MPHOSPH9: variants seen among roughly 807,000 people sequenced by gnomAD.
MPHOSPH9 encodes the protein M-phase phosphoprotein 9.
In MPHOSPH9, 88 loss-of-function variants were observed where a neutral mutation model predicts 145.5. The observed-to-expected ratio is 0.60, with a 90% CI of 0.51 to 0.72. MPHOSPH9 has a LOEUF of 0.72. MPHOSPH9 is among the 30% of genes least tolerant of loss of function. The probability of loss-of-function intolerance (pLI) is 0.00; values close to 1 mark genes in which losing one functional copy is unlikely to be tolerated. For synonymous variants in MPHOSPH9, 435 were observed against 486.2 expected, an observed-to-expected ratio of 0.89 and a Z score of 1.39; for missense variants, 1,238 against 1,386.6, an observed-to-expected ratio of 0.89 and a Z score of 1.70.
chr12:123,201,818 T>C (rs1005565147), intron 11 of MPHOSPH9, among the ~76,000 whole-genome samples: 5 of 152,178 alleles, frequency 3.3e-5, no homozygotes, highest in Admixed American at 1.3e-4. Flanking sequence ...CATATCTTTG[T>C]GGGTTTTTTT....
intron 2 of MPHOSPH9, 150 bp downstream of exon 2, chr12:123,230,111 C>T (rs572077493): frequency 1.6e-4 from 83 of 524,696 alleles, no homozygotes; most frequent in Non-Finnish European, 2.3e-4. Context: ...CATGAGCCAC[C>T]GCGCCCAGCC....
rs868752257 is a variant in MPHOSPH9, at chr12:123,190,297, C to T, written c.2241+4089G>A. Among the ~76,000 whole-genome samples the T allele has an allele frequency of 2.6e-4, 40 of 151,980 alleles. 1 individual carries two copies. Among genetic ancestry groups the T allele is most frequent in the Non-Finnish European group, 1.3e-4 (9 of 67,982 alleles). ...CCTCCCGAGTAGCTGGGACTACAGGCGCCCACCACCACGCCCAACTAATTT... is the reference window on the plus strand; with the variant it reads ...CCTCCCGAGTAGCTGGGACTACAGGTGCCCACCACCACGCCCAACTAATTT... On this transcript the variant is annotated intron_variant, in intron 13 of 23. Coordinates refer to ENST00000606320, the MANE Select transcript of MPHOSPH9 (RefSeq NM_022782.4).
chr12:123,239,708 C>T (rs971010187), intron 1 of MPHOSPH9, among the ~76,000 whole-genome samples: 12 of 152,088 alleles, frequency 7.9e-5, no homozygotes, highest in African/African-American at 2.9e-4. Flanking sequence ...AGCCCAGTAG[C>T]GTTAGTTTCT....
chr12:123,187,695 C>G (rs373399593), intron 13 of MPHOSPH9, among the ~76,000 whole-genome samples: 1 of 152,096 alleles, frequency 6.6e-6, no homozygotes, highest in Non-Finnish European at 1.5e-5. Context: ...GAGATTTACA[C>G]GAGAAGGAAA....
At chr12:123,174,012 T>C (rs776632761) in intron 16 of MPHOSPH9, among the ~76,000 whole-genome samples, 1 of 152,182 alleles carries the variant, frequency 6.6e-6, no homozygotes, top group Non-Finnish European at 1.5e-5. Flanking sequence ...GATCTGACCC[T>C]ATCTCTGGGT....
chr12:123,184,444 T>C (rs1446415391), intron 13 of MPHOSPH9, among the ~76,000 whole-genome samples: 1 of 151,960 alleles, frequency 6.6e-6, no homozygotes, highest in African/African-American at 2.4e-5. Flanking sequence ...CTAAGTCCCA[T>C]CCATACACTT....
At chr12:123,216,619 G>A (rs1286068164) in intron 6 of MPHOSPH9, among the ~76,000 whole-genome samples, 2 of 152,152 alleles carry the variant, frequency 1.3e-5, no homozygotes, top group Admixed American at 6.6e-5. Context: ...GGGAGGCCAA[G>A]GCAAGAGGAT....
downstream of MPHOSPH9, chr12:123,152,565 A>G (rs987624082): frequency 2.2e-6 from 1 of 456,560 alleles, no homozygotes; most frequent in African/African-American, 2.0e-5. Context: ...TAGAGATGAC[A>G]TGGTACATAA....
chr12:123,240,082 C>T (rs555007257), intron 1 of MPHOSPH9, among the ~76,000 whole-genome samples: 3 of 151,834 alleles, frequency 2.0e-5, no homozygotes, highest in Non-Finnish European at 2.9e-5. Flanking sequence ...TGCAGAGCCT[C>T]GCCGGGCAAG....
chr12:123,160,631 T>A, intron 23 of MPHOSPH9, 150 bp downstream of exon 23: 1 of 628,982 alleles, frequency 1.6e-6, no homozygotes, highest in Non-Finnish European at 2.7e-6. Context: ...ATTGCTATAA[T>A]CAAACACTTC....
intron 2 of MPHOSPH9, 41 bp from the exon 3 acceptor site, chr12:123,227,657 A>G: frequency 2.1e-6 from 3 of 1,451,852 alleles, no homozygotes; most frequent in Non-Finnish European, 2.7e-6. Flanking sequence ...TCTTCATTCT[A>G]TCAAAGTGTT....
chr12:123,202,241 A>C lies in MPHOSPH9; in HGVS notation c.1860T>G (p.Ser620Arg). 1 of 1,613,396 alleles carries C rather than the reference A, an allele frequency of 6.2e-7. No individual in the cohort carries two copies. The change falls in exon 11 of 24, where the codon AGT becomes AGG. Residue 620 changes from serine (S) to arginine (R), a missense_variant. This residue lies in a region of MPHOSPH9 where 837 missense variants were observed against 897.5 expected (regional missense o/e 0.93). Coordinates refer to ENST00000606320, the MANE Select transcript of MPHOSPH9 (RefSeq NM_022782.4). ...CTTTTGCCTCCAGCTTCTGTTTCAA[A>C]CTATTTATTTCTGATTCATAATAAG... Reference protein sequence around the residue: ...LRAYYESEINSLKQKLEAKEI... With the variant: ...LRAYYESEINRLKQKLEAKEI...
At chr12:123,186,751 A>G (rs1396887573) in intron 13 of MPHOSPH9, among the ~76,000 whole-genome samples, 2 of 152,214 alleles carry the variant, frequency 1.3e-5, no homozygotes, top group Non-Finnish European at 2.9e-5. Flanking sequence ...ACTTGAGGTC[A>G]GGATTTCGAG....
At chr12:123,169,900 A>C (rs2044499449) in intron 16 of MPHOSPH9, among the ~76,000 whole-genome samples, 1 of 151,856 alleles carries the variant, frequency 6.6e-6, no homozygotes. Context: ...GATCTTGCAA[A>C]ATTTGTTTTT....
At chr12:123,182,938 G>T (rs2045255081) in intron 13 of MPHOSPH9, among the ~76,000 whole-genome samples, 1 of 151,424 alleles carries the variant, frequency 6.6e-6, no homozygotes, top group Non-Finnish European at 1.5e-5. Context: ...AAGAGGCCGG[G>T]CGTGGTAGCT....
Position 123,158,634 on chromosome 12 carries a change from CA to C in MPHOSPH9, c.3451-1727del, listed in dbSNP as rs1363660059. On this transcript the variant is annotated intron_variant, in intron 23 of 23. Transcript: ENST00000606320. ...CTAAGAAGAGAATCAAACTCTATCT[CA>C]ATTTTTTTTTTTTTGAGACACAGTC... Among the ~76,000 whole-genome samples, 14 of 151,734 alleles carry C rather than the reference CA, an allele frequency of 9.2e-5. No homozygotes were observed. The South Asian group carries it at 2.9e-3, about 32-fold the overall frequency.
At position 123,156,680 on chromosome 12, in the gene MPHOSPH9, A is replaced by G. The variant is rs2043877254; in HGVS notation, c.*127T>C. ...TTTGAAGTATAAAATAGCAAGTGTA[A>G]GAATAGCATGATTGTAAAACTACTG... On this transcript the variant is annotated 3_prime_UTR_variant, in exon 24 of 24. Coordinates refer to ENST00000606320, the MANE Select transcript of MPHOSPH9 (RefSeq NM_022782.4). The G allele has an allele frequency of 1.8e-6, 1 of 556,094 alleles. No homozygotes were observed. The highest frequency in any genetic ancestry group is 1.9e-5 in the African/African-American group (1 of 53,466). The allele number at this position is 556,094 out of a possible 1,614,324, so 34.4% of individuals were successfully genotyped here. A position where few individuals can be genotyped will look rare whatever the true frequency, so the allele number is the denominator to read the frequency against.
intron 6 of MPHOSPH9, among the ~76,000 whole-genome samples, chr12:123,216,036 G>A (rs2046942645): frequency 6.6e-6 from 1 of 152,108 alleles, no homozygotes; most frequent in Non-Finnish European, 1.5e-5. Context: ...AGGAGATTGG[G>A]ATTATCCTGG....
chr12:123,230,240 T>G lies in MPHOSPH9; in HGVS notation c.104+21A>C, dbSNP rs1032436354. 6 of 1,306,748 alleles carry G rather than the reference T, an allele frequency of 4.6e-6. No individual in the cohort carries two copies. The African/African-American group carries it at 8.9e-5, about 19-fold the overall frequency. 80.9% of individuals were successfully genotyped at this position (1,306,748 alleles called of 1,614,324 possible). On this transcript the variant is annotated intron_variant, in intron 2 of 23. Coordinates refer to ENST00000606320, the MANE Select transcript of MPHOSPH9 (RefSeq NM_022782.4). ...TAAGGTTATTCTGATTTGGTACATT[T>G]TTTTTAAATCCCATTCTTACCTATC...
Sources: allele counts gnomAD v4.1 joint callset (sites outside exome capture counted in the v4.1 genomes callset), GRCh38; gene constraint gnomAD v4.1.1; regional missense constraint gnomAD v4.1.1; transcripts MANE v1.5; gene names NCBI Gene and HGNC (gene_info 2026-07-23, HGNC 2026-07-21).